The following PTPN4 variants were observed in gnomAD, a reference collection of about 807,000 sequenced individuals.
The protein encoded by PTPN4 is protein tyrosine phosphatase non-receptor type 4.
Under a neutral mutation model 135.5 loss-of-function variants are expected in PTPN4, and 49 were observed. That is an observed-to-expected ratio of 0.36 (90% CI 0.29 to 0.46). The LOEUF is 0.46. Ranked by LOEUF, PTPN4 falls within the 20% of genes least tolerant of loss-of-function variation. The pLI, the probability that PTPN4 is intolerant of heterozygous loss-of-function variation, is 1.00. For synonymous variants in PTPN4, 333 were observed against 369.9 expected (o/e 0.90, Z 1.14); for missense variants, 860 against 1,101.0 (o/e 0.78, Z 3.10).
At chr2:119,885,272 TTTTTG>T (rs1235653418) in intron 8 of PTPN4, among the ~76,000 whole-genome samples, 1 of 152,158 alleles carries the variant, frequency 6.6e-6, no homozygotes, top group African/African-American at 2.4e-5. Context: ...TTTGTTTGTT[TTTTTG>T]TTTTGTTTTT....
At position 119,978,503 on chromosome 2, in the gene PTPN4, CTTT is replaced by C. The variant is rs1192568401; in HGVS notation, c.*1435_*1437del. ...AGTTATAAGCATGTTAATAAGGAGACTTTTGACTGTCCAGCCTAATGGAGGATC... is the reference window on the plus strand; with the variant it reads ...AGTTATAAGCATGTTAATAAGGAGACTGACTGTCCAGCCTAATGGAGGATC... On this transcript the variant is annotated 3_prime_UTR_variant, in exon 27 of 27. Coordinates refer to ENST00000263708, the MANE Select transcript of PTPN4 (RefSeq NM_002830.4). The C allele has an allele frequency of 2.0e-5, 3 of 152,072 alleles. No individual in the cohort carries two copies. Among genetic ancestry groups the C allele is most frequent in the Non-Finnish European group, 4.4e-5 (3 of 67,992 alleles). The allele number at this position is 152,072 out of a possible 1,614,324, so 9.4% of individuals were successfully genotyped here. A position where few individuals can be genotyped will look rare whatever the true frequency, so the allele number is the denominator to read the frequency against.
At chr2:119,845,726 G>T (rs1007287645) in intron 2 of PTPN4, among the ~76,000 whole-genome samples, 2 of 151,750 alleles carry the variant, frequency 1.3e-5, no homozygotes, top group Non-Finnish European at 1.5e-5. Flanking sequence ...ATACATTTCT[G>T]CACTAACTTT....
At chr2:119,822,162 G>A (rs1677077568) in intron 2 of PTPN4, among the ~76,000 whole-genome samples, 1 of 151,974 alleles carries the variant, frequency 6.6e-6, no homozygotes, top group Non-Finnish European at 1.5e-5. Flanking sequence ...TCCCTACATG[G>A]ATCTTCAACC....
At chr2:119,827,847 C>T (rs549739070) in intron 2 of PTPN4, among the ~76,000 whole-genome samples, 1 of 152,170 alleles carries the variant, frequency 6.6e-6, no homozygotes, top group South Asian at 2.1e-4. Flanking sequence ...GTAGTTCAAT[C>T]TAAGTATTTT....
chr2:119,899,584 T>C (rs958487084), intron 9 of PTPN4, among the ~76,000 whole-genome samples: 5 of 152,184 alleles, frequency 3.3e-5, no homozygotes, highest in African/African-American at 1.2e-4. Flanking sequence ...TATGTATATC[T>C]TCCCTAATGT....
chr2:119,953,004 G>GT (rs1246495422), intron 19 of PTPN4, among the ~76,000 whole-genome samples: 3 of 152,082 alleles, frequency 2.0e-5, no homozygotes, highest in Non-Finnish European at 2.9e-5. Flanking sequence ...CTTTCCTTCA[G>GT]TTTTTTGACA....
At chr2:119,834,175 C>T (rs772830991) in intron 2 of PTPN4, among the ~76,000 whole-genome samples, 3 of 152,164 alleles carry the variant, frequency 2.0e-5, no homozygotes, top group Non-Finnish European at 4.4e-5. Flanking sequence ...GTGCTGGGAA[C>T]ATTTCAAATT....
At chr2:119,949,135 G>A (rs1174890986) in intron 18 of PTPN4, among the ~76,000 whole-genome samples, 1 of 152,082 alleles carries the variant, frequency 6.6e-6, no homozygotes, top group Non-Finnish European at 1.5e-5. Flanking sequence ...AGACTGTTAA[G>A]TTCTCTTTTT....
intron 1 of PTPN4, among the ~76,000 whole-genome samples, chr2:119,804,293 A>G (rs1425902526): frequency 6.6e-6 from 1 of 151,444 alleles, no homozygotes; most frequent in Non-Finnish European, 1.5e-5. Context: ...TTTTTTTTTA[A>G]TTATACTTTA....
intron 1 of PTPN4, among the ~76,000 whole-genome samples, chr2:119,776,727 T>A (rs1690845530): frequency 6.6e-6 from 1 of 152,208 alleles, no homozygotes; most frequent in South Asian, 2.1e-4. Context: ...TAAATATATT[T>A]TCTCTTCGTT....
chr2:119,844,224 C>A (rs546796606), intron 2 of PTPN4, among the ~76,000 whole-genome samples: 2 of 119,546 alleles, frequency 1.7e-5, no homozygotes, highest in Non-Finnish European at 3.5e-5. Flanking sequence ...CCAGTAGGGG[C>A]GGGCGGGCAG....
intron 2 of PTPN4, among the ~76,000 whole-genome samples, chr2:119,851,769 CTGT>C (rs1677596541): frequency 1.3e-5 from 2 of 152,144 alleles, no homozygotes; most frequent in African/African-American, 4.8e-5. Flanking sequence ...ATGTTAACAG[CTGT>C]AGATTATCAG....
intron 13 of PTPN4, among the ~76,000 whole-genome samples, chr2:119,927,351 T>TCC (rs148149417): frequency 6.1e-4 from 93 of 151,700 alleles, no homozygotes; most frequent in South Asian, 2.5e-3. Flanking sequence ...CCTCAGGTGA[T>TCC]CCCCCCCACC....
intron 1 of PTPN4, among the ~76,000 whole-genome samples, chr2:119,807,855 C>T (rs1691503165): frequency 6.6e-6 from 1 of 152,146 alleles, no homozygotes; most frequent in East Asian, 1.9e-4. Context: ...AATCTAGGAG[C>T]ATATCAGAAA....
At chr2:119,932,341 C>T in intron 13 of PTPN4, 83 bp from the exon 14 acceptor site, 1 of 1,343,972 alleles carries the variant, frequency 7.4e-7, no homozygotes, top group Non-Finnish European at 1.0e-6. Flanking sequence ...AACATAATCT[C>T]TGAAAACAAA....
In PTPN4 at chr2:119,775,533, T is replaced by C. The variant is rs182203923; in HGVS notation, c.-18+15149T>C. Reference sequence around the variant, plus strand: ...CAACATTTCTAATTCAGACTCCAGATTGATTAGTCCTAAGGACCTTTAGGG... The same window carrying C: ...CAACATTTCTAATTCAGACTCCAGACTGATTAGTCCTAAGGACCTTTAGGG... On this transcript the variant is annotated intron_variant, in intron 1 of 26. Coordinates refer to ENST00000263708, the MANE Select transcript of PTPN4 (RefSeq NM_002830.4). Among the ~76,000 whole-genome samples, 233 of 152,334 alleles carry C rather than the reference T, an allele frequency of 1.5e-3. 1 individual carries two copies. The highest frequency in any genetic ancestry group is 2.5e-3 in the Non-Finnish European group (169 of 68,030).
intron 8 of PTPN4, among the ~76,000 whole-genome samples, chr2:119,885,136 A>G (rs1480840760): frequency 2.0e-5 from 3 of 152,186 alleles, no homozygotes; most frequent in Non-Finnish European, 4.4e-5. Flanking sequence ...TCTGTGATGA[A>G]AGATGATTTC....
intron 23 of PTPN4, 122 bp downstream of exon 23, chr2:119,961,075 T>C: frequency 8.2e-7 from 1 of 1,221,130 alleles, no homozygotes; most frequent in Non-Finnish European, 1.1e-6. Flanking sequence ...TTCTTGTGGT[T>C]TCTTGTTTTA....
chr2:119,902,269 A>T (rs1678416711), intron 10 of PTPN4, among the ~76,000 whole-genome samples: 1 of 152,256 alleles, frequency 6.6e-6, no homozygotes, highest in Non-Finnish European at 1.5e-5. Flanking sequence ...ACTGGAGTGA[A>T]ATATTTTGGT....
Sources: allele counts gnomAD v4.1 joint callset (sites outside exome capture counted in the v4.1 genomes callset), GRCh38; gene constraint gnomAD v4.1.1; transcripts MANE v1.5; gene names NCBI Gene and HGNC (gene_info 2026-07-23, HGNC 2026-07-21).